Variants in ZBTB7C observed in about 807,000 individuals in gnomAD.
The protein encoded by ZBTB7C is zinc finger and BTB domain-containing protein 7C.
ZBTB7C carries 8 observed loss-of-function variants against 25.7 expected under a neutral mutation model. The ratio of observed to expected loss-of-function variants is 0.31; its 90% confidence interval spans 0.18 to 0.56. The LOEUF is 0.56. Ranked by LOEUF, ZBTB7C falls within the 20% of genes least tolerant of loss-of-function variation. The pLI, the probability that ZBTB7C is intolerant of heterozygous loss-of-function variation, is 0.91. For synonymous variants in ZBTB7C, 394 were observed against 369.0 expected, an observed-to-expected ratio of 1.07 and a Z score of -0.78; for missense variants, 824 against 855.2, an observed-to-expected ratio of 0.96 and a Z score of 0.46.
chr18:48,247,525 CAG>C (rs2043728324), intron 2 of ZBTB7C, among the ~76,000 whole-genome samples: 1 of 152,216 alleles, frequency 6.6e-6, no homozygotes, highest in Non-Finnish European at 1.5e-5. Context: ...CCATCTCCCT[CAG>C]ATTAAATCCA....
rs767701327 is a variant in ZBTB7C, at chr18:48,040,210, G to A, written c.898C>T (p.Pro300Ser). The change falls in exon 4 of 5, where the codon CCC (proline) becomes TCC (serine). Residue 300 changes from proline to serine, a missense_variant. Coordinates refer to ENST00000590800, the MANE Select transcript of ZBTB7C (RefSeq NM_001318841.2). ...KEEEKEELPP[P>S]PPPPFPNDFF... ...TCATTAGGGAAGGGTGGCGGTGGGG[G>A]TGGGGGCAGCTCCTCCTTCTCCTCC... The A allele has an allele frequency of 3.2e-6, 5 of 1,571,050 alleles. No individual in the cohort carries two copies. In the Admixed American group the frequency reaches 5.5e-5, roughly 17 times the overall value.
intron 2 of ZBTB7C, among the ~76,000 whole-genome samples, chr18:48,331,868 A>T (rs1055197009): frequency 6.6e-6 from 1 of 152,164 alleles, no homozygotes; most frequent in Non-Finnish European, 1.5e-5. Flanking sequence ...TTCTTTTTTT[A>T]ATCACTGAAA....
chr18:48,321,431 G>A (rs2046090125), intron 2 of ZBTB7C, among the ~76,000 whole-genome samples: 2 of 152,284 alleles, frequency 1.3e-5, no homozygotes, highest in Middle Eastern at 3.4e-3. Flanking sequence ...TGGAAACTTG[G>A]GACTTTTTGC....
intron 2 of ZBTB7C, among the ~76,000 whole-genome samples, chr18:48,235,442 C>G (rs2043354388): frequency 1.3e-5 from 2 of 152,038 alleles, no homozygotes; most frequent in South Asian, 4.1e-4. Flanking sequence ...TCATTTCATT[C>G]TATGTTATAT....
intron 3 of ZBTB7C, among the ~76,000 whole-genome samples, chr18:48,061,189 A>G (rs4500816): frequency 2.0e-4 from 31 of 152,332 alleles, no homozygotes; most frequent in African/African-American, 7.0e-4. Context: ...AAATGTGTAC[A>G]CAGATGCAAA....
intron 3 of ZBTB7C, among the ~76,000 whole-genome samples, chr18:48,116,231 C>T (rs948801810): frequency 2.0e-5 from 3 of 152,112 alleles, no homozygotes; most frequent in African/African-American, 7.2e-5. Flanking sequence ...GCCCAGACGC[C>T]CTGTGCATGT....
At chr18:48,297,818 T>C (rs547023813) in intron 2 of ZBTB7C, among the ~76,000 whole-genome samples, 4 of 152,324 alleles carry the variant, frequency 2.6e-5, no homozygotes, top group Admixed American at 2.6e-4. Context: ...GATAAAATGT[T>C]ACTTGGGTTG....
chr18:48,245,736 G>A (rs115613241), intron 2 of ZBTB7C, among the ~76,000 whole-genome samples: 85 of 152,214 alleles, frequency 5.6e-4, no homozygotes, highest in African/African-American at 1.9e-3. Flanking sequence ...TGCTAGAGCC[G>A]GTTGAGCCCA....
intron 2 of ZBTB7C, among the ~76,000 whole-genome samples, chr18:48,250,798 C>T (rs1163853834): frequency 6.7e-6 from 1 of 149,946 alleles, no homozygotes; most frequent in African/African-American, 2.5e-5. Flanking sequence ...TTTTTATATC[C>T]AGTCTAACAG....
At position 48,040,099 on chromosome 18, in the gene ZBTB7C, A is replaced by C. The variant is rs778374883; in HGVS notation, c.1009T>G (p.Phe337Val). ...CCTCCCAGGTGGGTGGCACTCAGGA[A>C]GTTGAGATAGGCACCGTAGTCGTTC... The part of the protein sequence containing the change: ...AENDYGAYLN[F>V]LSATHLGGLF... The change falls in exon 4 of 5, where the codon TTC becomes GTC. Residue 337 changes from phenylalanine to valine, a missense_variant. Transcript: ENST00000590800. 11 of 1,608,750 alleles carry C rather than the reference A, an allele frequency of 6.8e-6. No homozygotes were observed. In the South Asian group the frequency reaches 1.2e-4, roughly 18 times the overall value.
intron 3 of ZBTB7C, among the ~76,000 whole-genome samples, chr18:48,152,549 A>G (rs1227345198): frequency 6.6e-6 from 1 of 152,244 alleles, no homozygotes; most frequent in Non-Finnish European, 1.5e-5. Flanking sequence ...ATAAAGAATC[A>G]TTATTCATGC....
At chr18:48,036,366 C>T (rs28421893) in intron 4 of ZBTB7C, among the ~76,000 whole-genome samples, 48 of 152,288 alleles carry the variant, frequency 3.2e-4, no homozygotes, top group African/African-American at 1.1e-3. Flanking sequence ...AGTACGTCCC[C>T]GTGGGGTGTG....
chr18:48,157,621 G>A (rs2040876802), intron 3 of ZBTB7C, among the ~76,000 whole-genome samples: 1 of 152,164 alleles, frequency 6.6e-6, no homozygotes, highest in Non-Finnish European at 1.5e-5. Flanking sequence ...CTTAACAGCA[G>A]GGACTCGAAG....
At chr18:48,215,146 T>C (rs9807321) in intron 2 of ZBTB7C, among the ~76,000 whole-genome samples, 10,003 of 152,304 alleles carry the variant, frequency 0.066, 442 homozygotes, top group Middle Eastern at 0.16. Context: ...ATCCTGCTCA[T>C]GGAATCGTGG....
chr18:48,357,569 A>G (rs996744584), intron 1 of ZBTB7C, among the ~76,000 whole-genome samples: 5 of 152,110 alleles, frequency 3.3e-5, no homozygotes, highest in African/African-American at 1.2e-4. Context: ...GGACTCCTCA[A>G]TTTGCCTTTC....
intron 1 of ZBTB7C, among the ~76,000 whole-genome samples, chr18:48,346,186 T>C (rs562453862): frequency 6.6e-6 from 1 of 152,148 alleles, no homozygotes; most frequent in South Asian, 2.1e-4. Flanking sequence ...ACACAAACCC[T>C]AAAATGTGTG....
At position 48,299,757 on chromosome 18, in the gene ZBTB7C, G is replaced by A. The variant is rs1021018397; in HGVS notation, c.-79+38417C>T. ...AGAGCGCAGCATGTGCAAAGGCCCTGTGGGGAGAGAGAGTTCACGGAAGTG... is the reference window on the plus strand; with the variant it reads ...AGAGCGCAGCATGTGCAAAGGCCCTATGGGGAGAGAGAGTTCACGGAAGTG... On this transcript the variant is annotated intron_variant, in intron 2 of 4. Coordinates refer to ENST00000590800, the MANE Select transcript of ZBTB7C (RefSeq NM_001318841.2). Among the ~76,000 whole-genome samples the A allele has an allele frequency of 2.0e-5, 3 of 152,242 alleles. No homozygotes were observed. The East Asian group carries it at 5.8e-4, about 29-fold the overall frequency.
intron 2 of ZBTB7C, among the ~76,000 whole-genome samples, chr18:48,262,143 T>C (rs1464270303): frequency 1.3e-5 from 2 of 152,182 alleles, no homozygotes; most frequent in African/African-American, 4.8e-5. Context: ...TCAATGACTG[T>C]CTCATTGTAC....
In ZBTB7C at chr18:48,278,845, G is replaced by C. The variant is rs537858562; in HGVS notation, c.-79+59329C>G. Among the ~76,000 whole-genome samples, 55 of 152,152 alleles carry C rather than the reference G, an allele frequency of 3.6e-4. No individual in the cohort carries two copies. The South Asian group carries it at 6.2e-3, about 17-fold the overall frequency. ...CCGAAACACCGCCTAACTGCTCTCT[G>C]CTGTCAACCAGCTCCTCACAGGCTG... is the stretch of plus-strand genomic sequence containing the variant. On this transcript the variant is annotated intron_variant, in intron 2 of 4. Coordinates refer to ENST00000590800, the MANE Select transcript of ZBTB7C (RefSeq NM_001318841.2).
Sources: gnomAD v4.1 joint callset for allele counts (sites outside exome capture counted in the v4.1 genomes callset) on GRCh38, gnomAD v4.1.1 for gene constraint, MANE v1.5 for transcripts, NCBI Gene and HGNC (gene_info 2026-07-23, HGNC 2026-07-21) for gene names.